The following PDXDC1 variants were observed in gnomAD, a reference collection of about 807,000 sequenced individuals.
The protein encoded by PDXDC1 is pyridoxal dependent decarboxylase domain containing 1, also known as pyridoxal-dependent decarboxylase domain-containing protein 1.
A neutral mutation model predicts 100.1 loss-of-function variants in PDXDC1; 42 were observed. The ratio of observed to expected loss-of-function variants is 0.42; its 90% CI spans 0.33 to 0.54. The LOEUF is 0.54. Among genes scored for constraint, PDXDC1 ranks in the 20% least tolerant of loss-of-function variants. The pLI is 0.10. For synonymous variants in PDXDC1, 260 were observed against 371.7 expected (o/e 0.70, Z 3.46); for missense variants, 636 against 979.2 (o/e 0.65, Z 4.68).
chr16:15,047,301 C>T (rs957614245), intron 16 of PDXDC1: 4 of 650,590 alleles, frequency 6.1e-6, no homozygotes, highest in South Asian at 3.6e-5. Flanking sequence ...GTGCCCACGT[C>T]GTGCCAGGTT....
At position 15,036,062 on chromosome 16, in the gene PDXDC1, T is replaced by C. The variant is rs772619558; in HGVS notation, c.2154T>C (p.Ser718=). The C allele has an allele frequency of 1.2e-6, 2 of 1,614,106 alleles. No homozygotes were observed. Among genetic ancestry groups the C allele is most frequent in the East Asian group, 4.5e-5 (2 of 44,882 alleles). Reference sequence around the variant, plus strand: ...CCCTGCGAGGTTCAGATGCTTTGAGTGAGACCAGCTCAGTCAGTCACATTG... The same window carrying C: ...CCCTGCGAGGTTCAGATGCTTTGAGCGAGACCAGCTCAGTCAGTCACATTG... ...KRSLRGSDAL[S]ETSSVSHIED... Residue 718 remains serine, a synonymous_variant, in exon 23 of 23, where the codon AGT becomes AGC. Coordinates refer to ENST00000396410, the MANE Select transcript of PDXDC1 (RefSeq NM_015027.4).
chr16:15,017,948 C>T (rs774941282), intron 11 of PDXDC1, among the ~76,000 whole-genome samples: 8 of 152,230 alleles, frequency 5.3e-5, no homozygotes, highest in Non-Finnish European at 7.3e-5. Flanking sequence ...GCATGCGCCA[C>T]CACGCCCGGC....
chr16:15,025,034 C>G (rs9888789), intron 13 of PDXDC1, among the ~76,000 whole-genome samples: 11,236 of 112,536 alleles, frequency 0.1, no homozygotes, highest in East Asian at 0.27. Flanking sequence ...GCTTACAGTC[C>G]TCTTTCTGTT....
At chr16:15,128,098 G>C (rs1344964528) in intron 16 of PDXDC1, 3 of 1,608,614 alleles carry the variant, frequency 1.9e-6, no homozygotes, top group Admixed American at 1.7e-5. Context: ...GCAGGTCCCT[G>C]ATGATGACGT....
intron 16 of PDXDC1, among the ~76,000 whole-genome samples, chr16:15,089,915 T>G (rs534344367): frequency 6.7e-6 from 1 of 149,300 alleles, no homozygotes; most frequent in Non-Finnish European, 1.5e-5. Flanking sequence ...CTTAAAAAAG[T>G]AAGTCCACTG....
intron 8 of PDXDC1, among the ~76,000 whole-genome samples, chr16:15,015,077 A>G (rs192812417): frequency 4.7e-3 from 716 of 152,040 alleles, no homozygotes; most frequent in African/African-American, 0.011. Flanking sequence ...ACCTGGGACT[A>G]TAGGCGCCCA....
intron 16 of PDXDC1, among the ~76,000 whole-genome samples, chr16:15,101,248 T>C (rs2046536412): frequency 6.6e-6 from 1 of 152,244 alleles, no homozygotes; most frequent in African/African-American, 2.4e-5. Context: ...ACTAGGATAC[T>C]TGATGTGGTT....
intron 16 of PDXDC1, among the ~76,000 whole-genome samples, chr16:15,079,258 T>C (rs2045597344): frequency 6.6e-6 from 1 of 152,196 alleles, no homozygotes; most frequent in Non-Finnish European, 1.5e-5. Flanking sequence ...ACAATGTCAC[T>C]AGAATCTACT....
At chr16:15,041,821 G>A, downstream of PDXDC1, 1 of 690,910 alleles carries the variant, frequency 1.4e-6, no homozygotes, top group Non-Finnish European at 2.7e-6. Flanking sequence ...CCACAGCCTG[G>A]CCTATGGGGC....
intron 13 of PDXDC1, among the ~76,000 whole-genome samples, chr16:15,024,271 G>C (rs1260862201): frequency 6.6e-6 from 1 of 152,254 alleles, no homozygotes; most frequent in African/African-American, 2.4e-5. Flanking sequence ...CACCATTCCA[G>C]CTGCTGCTTG....
chr16:15,124,160 C>A lies in PDXDC1; in HGVS notation c.1400-14719C>A, dbSNP rs927651523. 2.0e-4 allele frequency among the ~76,000 whole-genome samples: 30 copies of A among 152,246 alleles called. No homozygotes were observed. The East Asian group carries it at 2.3e-3, about 12-fold the overall frequency. ...GCCCACAATACCCAGAGGGCTTGGC[C>A]GCATCATGTGTGATGGGTGGGGAGC... On this transcript the variant is annotated intron_variant, in intron 16 of 16. Coordinates refer to the PDXDC1 transcript ENST00000535621.
At chr16:15,134,876 G>C (rs2048275262) in intron 16 of PDXDC1, among the ~76,000 whole-genome samples, 1 of 150,680 alleles carries the variant, frequency 6.6e-6, no homozygotes, top group East Asian at 2.0e-4. Context: ...CCTGACAGCA[G>C]CAGGAGCAGC....
intron 1 of PDXDC1, chr16:14,988,822 G>A (rs1258608044): frequency 6.2e-7 from 1 of 1,613,830 alleles, no homozygotes; most frequent in Non-Finnish European, 8.5e-7. Context: ...AGGATGCCTG[G>A]GGCACCCACC....
intron 16 of PDXDC1, chr16:15,056,135 G>A (rs2044512599): frequency 1.7e-5 from 3 of 175,698 alleles, no homozygotes; most frequent in Non-Finnish European, 3.5e-5. Flanking sequence ...AGGCGGTGCC[G>A]GCCGAAGAGA....
chr16:15,096,965 T>C (rs1478856890), intron 16 of PDXDC1, among the ~76,000 whole-genome samples: 1 of 152,142 alleles, frequency 6.6e-6, no homozygotes, highest in Non-Finnish European at 1.5e-5. Flanking sequence ...ATTCTTTCCC[T>C]TAAAAAAAGT....
chr16:14,995,991 C>T (rs1400633405), intron 1 of PDXDC1, among the ~76,000 whole-genome samples: 3 of 152,280 alleles, frequency 2.0e-5, no homozygotes, highest in Admixed American at 1.3e-4. Flanking sequence ...GGTGATATCC[C>T]CTTTATCATT....
At chr16:15,004,602 T>G (rs1973875100) in intron 5 of PDXDC1, among the ~76,000 whole-genome samples, 1 of 152,254 alleles carries the variant, frequency 6.6e-6, no homozygotes, top group South Asian at 2.1e-4. Flanking sequence ...GGGTCAGCAG[T>G]TATTTATTTG....
At chr16:15,129,489 A>G (rs193059923) in intron 16 of PDXDC1, among the ~76,000 whole-genome samples, 30 of 152,372 alleles carry the variant, frequency 2.0e-4, no homozygotes, top group African/African-American at 7.2e-4. Flanking sequence ...GGCAATTCCA[A>G]TGAAAGGAAA....
chr16:15,056,007 G>A (rs1258751180), intron 16 of PDXDC1: 3 of 1,138,952 alleles, frequency 2.6e-6, no homozygotes, highest in Non-Finnish European at 3.3e-6. Flanking sequence ...CCAGGGAGGC[G>A]GCGGCCCCCC....
Sources: gnomAD v4.1 joint callset for allele counts (sites outside exome capture counted in the v4.1 genomes callset) on GRCh38, gnomAD v4.1.1 for gene constraint, MANE v1.5 for transcripts, NCBI Gene and HGNC (gene_info 2026-07-23, HGNC 2026-07-21) for gene names.